Variants in CCDC192 observed in about 807,000 individuals in gnomAD.
CCDC192 encodes coiled-coil domain-containing protein 192.
At chr5:127,825,903 T>C (rs1008258069) in intron 5 of CCDC192, among the ~76,000 whole-genome samples, 5 of 152,190 alleles carry the variant, frequency 3.3e-5, no homozygotes, top group Non-Finnish European at 7.3e-5. Flanking sequence ...GAACAAGTAG[T>C]TGATTTTTGG....
intron 3 of CCDC192, among the ~76,000 whole-genome samples, chr5:127,771,974 C>T (rs530858509): frequency 6.6e-6 from 1 of 152,342 alleles, no homozygotes; most frequent in East Asian, 1.9e-4. Context: ...GAGAGGCAAG[C>T]TCCTGCCTGC....
chr5:127,926,775 T>C (rs1580835121), intron 6 of CCDC192, among the ~76,000 whole-genome samples: 1 of 152,208 alleles, frequency 6.6e-6, no homozygotes, highest in East Asian at 1.9e-4. Flanking sequence ...TTCATACCAA[T>C]ATATTGCAAC....
At chr5:127,930,249 AAAC>A (rs1245981080) in intron 6 of CCDC192, among the ~76,000 whole-genome samples, 1 of 152,134 alleles carries the variant, frequency 6.6e-6, no homozygotes, top group Non-Finnish European at 1.5e-5. Flanking sequence ...AAACTAAACT[AAAC>A]TAAAATAAAA....
intron 5 of CCDC192, among the ~76,000 whole-genome samples, chr5:127,867,001 A>G (rs1277853525): frequency 6.6e-6 from 1 of 152,116 alleles, no homozygotes; most frequent in Non-Finnish European, 1.5e-5. Flanking sequence ...ATCTTTTGTA[A>G]GTTGTTTTAA....
intron 6 of CCDC192, among the ~76,000 whole-genome samples, chr5:127,910,671 C>A (rs1341573004): frequency 6.6e-6 from 1 of 152,178 alleles, no homozygotes; most frequent in Non-Finnish European, 1.5e-5. Context: ...ATGGAGATTT[C>A]TTTTCCCATG....
intron 6 of CCDC192, among the ~76,000 whole-genome samples, chr5:127,885,055 C>T (rs1177275941): frequency 6.6e-6 from 1 of 152,020 alleles, no homozygotes; most frequent in Non-Finnish European, 1.5e-5. Flanking sequence ...ATACCATTAT[C>T]AGGAAATGGT....
intron 2 of CCDC192, among the ~76,000 whole-genome samples, chr5:127,722,356 A>G (rs973821228): frequency 4.6e-5 from 7 of 151,438 alleles, no homozygotes; most frequent in African/African-American, 1.5e-4. Context: ...TATCCTGGCT[A>G]TGAATCCCTT....
At position 127,786,442 on chromosome 5, in the gene CCDC192, CA is replaced by C. The variant is rs1241353963; in HGVS notation, c.223-10659del. The C allele has an allele frequency of 4.8e-6, 3 of 627,278 alleles. No individual in the cohort carries two copies. The African/African-American group carries it at 5.5e-5, about 11-fold the overall frequency. The allele number at this position is 627,278 out of a possible 1,614,324, so 38.9% of individuals were successfully genotyped here. A position where few individuals can be genotyped will look rare whatever the true frequency, so the allele number is the denominator to read the frequency against. ...AGCTCCAATTCCATGTAACACTGTA[CA>C]ACTCCACTCACAGTTTTGTATTGAT... On this transcript the variant is annotated intron_variant, in intron 3 of 6. Coordinates refer to ENST00000514853, the MANE Select transcript of CCDC192 (RefSeq NM_001317938.2).
intron 3 of CCDC192, among the ~76,000 whole-genome samples, chr5:127,761,004 A>G (rs749051275): frequency 1.1e-4 from 16 of 152,310 alleles, no homozygotes; most frequent in Middle Eastern, 3.4e-3. Flanking sequence ...AGAGGAGGCA[A>G]AAACGCAAAA....
At chr5:127,813,968 C>A (rs1157044633) in intron 5 of CCDC192, among the ~76,000 whole-genome samples, 3 of 152,180 alleles carry the variant, frequency 2.0e-5, no homozygotes, top group Admixed American at 2.0e-4. Context: ...ATTAATTATT[C>A]ATTCTTCAAC....
chr5:127,749,868 C>G (rs1754029839), intron 2 of CCDC192, among the ~76,000 whole-genome samples: 1 of 152,164 alleles, frequency 6.6e-6, no homozygotes, highest in South Asian at 2.1e-4. Flanking sequence ...AGGAATTTAT[C>G]CATTTCTTCT....
In CCDC192 at chr5:127,712,340, G is replaced by A. The variant is rs115467706; in HGVS notation, c.114+4580G>A. On this transcript the variant is annotated intron_variant, in intron 2 of 6. Transcript: ENST00000514853. ...CTAATGGGAGGTGTTTGGGTCATGG[G>A]GTTGCATCCCTCATGAATAGATTAA... is the stretch of plus-strand genomic sequence containing the variant. Among the ~76,000 whole-genome samples, 1,352 of 152,192 alleles carry A rather than the reference G, an allele frequency of 8.9e-3. 21 individuals are homozygous for A. Among genetic ancestry groups the A allele is most frequent in the African/African-American group, 0.03 (1,262 of 41,506 alleles).
At chr5:127,809,263 G>A (rs1757952183) in intron 5 of CCDC192, among the ~76,000 whole-genome samples, 1 of 151,984 alleles carries the variant, frequency 6.6e-6, no homozygotes, top group Admixed American at 6.6e-5. Context: ...AGCACTTAAA[G>A]AGCCATAATT....
intron 2 of CCDC192, among the ~76,000 whole-genome samples, chr5:127,742,946 C>T (rs1473687875): frequency 6.6e-6 from 1 of 152,004 alleles, no homozygotes; most frequent in Non-Finnish European, 1.5e-5. Flanking sequence ...ATAATTAAAC[C>T]CCTTTGGGCT....
chr5:127,770,901 C>T (rs1339023495), intron 3 of CCDC192, among the ~76,000 whole-genome samples: 3 of 152,096 alleles, frequency 2.0e-5, no homozygotes, highest in Admixed American at 6.6e-5. Flanking sequence ...AATTGGCTTC[C>T]GTTTTTATGC....
intron 6 of CCDC192, among the ~76,000 whole-genome samples, chr5:127,918,254 A>G (rs911220960): frequency 4.0e-5 from 6 of 151,396 alleles, no homozygotes; most frequent in Non-Finnish European, 7.4e-5. Context: ...TACAAAGTGC[A>G]ATAAAGTGAA....
At chr5:127,845,197 T>C (rs1432182094) in intron 5 of CCDC192, among the ~76,000 whole-genome samples, 3 of 152,206 alleles carry the variant, frequency 2.0e-5, no homozygotes, top group African/African-American at 7.2e-5. Flanking sequence ...AGCCATGTTC[T>C]TGCCTCCATG....
intron 6 of CCDC192, among the ~76,000 whole-genome samples, chr5:127,931,999 A>C (rs960339663): frequency 6.6e-6 from 1 of 151,702 alleles, no homozygotes; most frequent in Non-Finnish European, 1.5e-5. Context: ...AAATACAAAA[A>C]AAAAATTAGC....
intron 2 of CCDC192, among the ~76,000 whole-genome samples, chr5:127,745,358 T>C (rs757858157): frequency 7.3e-4 from 111 of 152,336 alleles, no homozygotes; most frequent in Non-Finnish European, 9.1e-4. Context: ...CAAATTTTCT[T>C]TTAAATTATC....
Sources: allele counts gnomAD v4.1 joint callset (sites outside exome capture counted in the v4.1 genomes callset), GRCh38; gene constraint gnomAD v4.1.1; transcripts MANE v1.5; gene names NCBI Gene and HGNC (gene_info 2026-07-23, HGNC 2026-07-21).